Variants in WDR76 observed in about 807,000 individuals in gnomAD.
WDR76 encodes the protein WD repeat domain 76, also known as WD repeat-containing protein 76.
Under a neutral mutation model 70.2 loss-of-function variants are expected in WDR76, and 52 were observed. That is an observed-to-expected ratio of 0.74 (90% CI 0.59 to 0.93). The LOEUF (loss-of-function observed/expected upper bound fraction) is 0.93. WDR76 is among the 40% of genes least tolerant of loss of function. The pLI is 0.00. For missense variants in WDR76, 756 were observed against 760.2 expected, an observed-to-expected ratio of 0.99 and a Z score of 0.07; for synonymous variants, 292 against 271.1, an observed-to-expected ratio of 1.08 and a Z score of -0.76.
At chr15:43,836,064 G>A (rs2087651991) in intron 3 of WDR76, 97 bp from the exon 4 acceptor site, 1 of 1,073,268 alleles carries the variant, frequency 9.3e-7, no homozygotes, top group Non-Finnish European at 1.3e-6. Context: ...TTCCTGAATA[G>A]ACCTTAGTTT....
intron 8 of WDR76, among the ~76,000 whole-genome samples, chr15:43,848,346 T>C (rs1248981198): frequency 6.6e-6 from 1 of 152,224 alleles, no homozygotes; most frequent in Non-Finnish European, 1.5e-5. Context: ...GTAGCAGAGC[T>C]AGGAGACAGC....
intron 9 of WDR76, among the ~76,000 whole-genome samples, chr15:43,851,802 G>A (rs1234302771): frequency 1.3e-5 from 2 of 152,178 alleles, no homozygotes; most frequent in Admixed American, 6.5e-5. Context: ...GAGCTTGGTG[G>A]TGTGTGCCTG....
rs775611636 is a variant in WDR76, at chr15:43,828,231, G to A, written c.327G>A (p.Leu109=). 6 of 1,614,190 alleles carry A rather than the reference G, an allele frequency of 3.7e-6. No individual in the cohort carries two copies. The highest frequency in any genetic ancestry group is 5.1e-6 in the Non-Finnish European group (6 of 1,180,034). Residue 109 remains leucine (L), a synonymous_variant, in exon 2 of 13, where the codon CTG becomes CTA. Transcript: ENST00000263795. ...CATCTTCCAAGGCAGAATCCACGCT[G>A]CAAAATTCATCCTCAGCTGTTCATA... ...KNTSSKAEST[L]QNSSSAVHTE... is the part of the protein sequence containing the mutation.
Position 43,866,194 on chromosome 15 carries a change from C to G in WDR76, c.1683C>G (p.Asp561Glu), listed in dbSNP as rs768213652. 1.2e-6 allele frequency: 2 copies of G among 1,614,182 alleles called. No homozygotes were observed. Among genetic ancestry groups the G allele is most frequent in the Non-Finnish European group, 1.7e-6 (2 of 1,180,034 alleles). Residue 561 changes from aspartate (D) to glutamate (E), a missense_variant, in exon 13 of 13, where the codon GAC becomes GAG. Transcript: ENST00000263795. Reference sequence around the variant, plus strand: ...CCATGTGGGATCCTAAACAAGAAGACTGTGTCATAGTTGGCAGCATGGCCC... The same window carrying G: ...CCATGTGGGATCCTAAACAAGAAGAGTGTGTCATAGTTGGCAGCATGGCCC... Reference protein sequence around the residue: ...FQAMWDPKQEDCVIVGSMAHP... With the variant: ...FQAMWDPKQEECVIVGSMAHP...
At chr15:43,864,470 C>T (rs76958293) in intron 12 of WDR76, among the ~76,000 whole-genome samples, 78 of 152,204 alleles carry the variant, frequency 5.1e-4, no homozygotes, top group African/African-American at 1.9e-3. Flanking sequence ...GGTGATATCT[C>T]ATTGTGGTTT....
rs143207271 is a variant in WDR76, at chr15:43,866,183, A to C, written c.1672A>C (p.Lys558Gln). The C allele has an allele frequency of 8.6e-5, 139 of 1,614,090 alleles. No homozygotes were observed. Among genetic ancestry groups the C allele is most frequent in the Non-Finnish European group, 1.2e-4 (137 of 1,180,038 alleles). Reference sequence around the variant, plus strand: ...CAGGTTCCAAGCCATGTGGGATCCTAAACAAGAAGACTGTGTCATAGTTGG... The same window carrying C: ...CAGGTTCCAAGCCATGTGGGATCCTCAACAAGAAGACTGTGTCATAGTTGG... ...LTRFQAMWDP[K>Q]QEDCVIVGSM... Residue 558 changes from lysine to glutamine, a missense_variant, in exon 13 of 13, where the codon AAA (lysine) becomes CAA (glutamine). Transcript: ENST00000263795.
chr15:43,857,309 A>G, intron 10 of WDR76, 146 bp downstream of exon 10: 1 of 969,760 alleles, frequency 1.0e-6, no homozygotes, highest in South Asian at 3.6e-5. Context: ...TCCTTTCTAT[A>G]CTGATTGAGA....
intron 7 of WDR76, 50 bp from the exon 8 acceptor site, chr15:43,843,851 A>G: frequency 6.9e-7 from 1 of 1,443,858 alleles, no homozygotes; most frequent in Admixed American, 2.5e-5. Flanking sequence ...ACTTATTTTG[A>G]CTATTGAGAT....
At chr15:43,849,264 TAAA>T (rs1192345865) in intron 8 of WDR76, among the ~76,000 whole-genome samples, 1 of 151,700 alleles carries the variant, frequency 6.6e-6, no homozygotes, top group Non-Finnish European at 1.5e-5. Context: ...GTTTAAAAAA[TAAA>T]AAGCATAATG....
intron 8 of WDR76, among the ~76,000 whole-genome samples, chr15:43,847,371 G>A (rs561113764): frequency 2.0e-5 from 3 of 150,578 alleles, no homozygotes; most frequent in Non-Finnish European, 4.4e-5. Flanking sequence ...GGTGATTCTC[G>A]TGCCTCAGCC....
At chr15:43,857,302 T>G in intron 10 of WDR76, 139 bp downstream of exon 10, 1 of 1,037,558 alleles carries the variant, frequency 9.6e-7, no homozygotes, top group Non-Finnish European at 1.3e-6. Context: ...GTAATTTTCC[T>G]TTCTATACTG....
chr15:43,864,042 G>T (rs2088038860), intron 12 of WDR76: 1 of 152,212 alleles, frequency 6.6e-6, no homozygotes, highest in Non-Finnish European at 1.5e-5. Context: ...GTGAGGTCAT[G>T]TGGTATATGT....
chr15:43,864,969 G>T (rs2088051406), intron 12 of WDR76, among the ~76,000 whole-genome samples: 1 of 151,528 alleles, frequency 6.6e-6, no homozygotes. Context: ...CTGACACGGG[G>T]GCTGGAGTGC....
chr15:43,843,887 T>C lies in WDR76; in HGVS notation c.879-14T>C, dbSNP rs1397414177. Reference sequence around the variant, plus strand: ...TGGTTTTACTTACAAAATTTAACTTTGTAATTTTCTTAGCTACAAAGCCAA... The same window carrying C: ...TGGTTTTACTTACAAAATTTAACTTCGTAATTTTCTTAGCTACAAAGCCAA... On this transcript the variant is annotated splice_polypyrimidine_tract_variant and intron_variant, in intron 7 of 12. Coordinates refer to ENST00000263795, the MANE Select transcript of WDR76 (RefSeq NM_024908.4). 1.3e-6 allele frequency: 2 copies of C among 1,542,700 alleles called. 1 individual carries two copies. Among genetic ancestry groups the C allele is most frequent in the East Asian group, 4.6e-5 (2 of 43,200 alleles).
chr15:43,861,824 A>ATT (rs2088000650), intron 12 of WDR76, among the ~76,000 whole-genome samples: 1 of 137,266 alleles, frequency 7.3e-6, no homozygotes, highest in African/African-American at 2.7e-5. Flanking sequence ...CTTTGAATGT[A>ATT]TTTGTGTATT....
intron 9 of WDR76, among the ~76,000 whole-genome samples, chr15:43,851,881 G>A (rs2087864335): frequency 6.6e-6 from 1 of 151,940 alleles, no homozygotes; most frequent in Non-Finnish European, 1.5e-5. Flanking sequence ...ATCAGCCTGG[G>A]CAACATAGTA....
At chr15:43,850,421 G>A (rs993908090) in intron 8 of WDR76, among the ~76,000 whole-genome samples, 4 of 151,756 alleles carry the variant, frequency 2.6e-5, no homozygotes, top group Non-Finnish European at 5.9e-5. Flanking sequence ...TCAGCCTCCC[G>A]AGTAGATGGG....
intron 6 of WDR76, 37 bp downstream of exon 6, chr15:43,842,553 C>T (rs1043698777): frequency 1.2e-6 from 2 of 1,601,042 alleles, no homozygotes; most frequent in African/African-American, 1.3e-5. Context: ...TTAGAATCAT[C>T]TGTTAAGGAA....
chr15:43,834,331 G>T, intron 2 of WDR76, among the ~76,000 whole-genome samples: 1 of 141,084 alleles, frequency 7.1e-6, no homozygotes, highest in East Asian at 2.1e-4. Context: ...ACGGAGTTTC[G>T]CTCTTATTGT....
Sources: gnomAD v4.1 joint callset for allele counts (sites outside exome capture counted in the v4.1 genomes callset) on GRCh38, gnomAD v4.1.1 for gene constraint, MANE v1.5 for transcripts, NCBI Gene and HGNC (gene_info 2026-07-23, HGNC 2026-07-21) for gene names.